ANO3: variants seen among roughly 807,000 people sequenced by gnomAD.
ANO3 encodes the protein anoctamin 3, also known as anoctamin-3.
A neutral mutation model predicts 144.8 loss-of-function variants in ANO3; 99 were observed. The observed-to-expected ratio is 0.68, with a 90% confidence interval of 0.58 to 0.81. The LOEUF (loss-of-function observed/expected upper bound fraction) is 0.81, where lower values mean the gene tolerates loss of function less well. Ranked by LOEUF, ANO3 falls within the 30% of genes least tolerant of loss-of-function variation. ANO3 has a pLI of 0.00. For missense variants in ANO3, 905 were observed against 1,202.2 expected, an observed-to-expected ratio of 0.75 and a Z score of 3.66; for synonymous variants, 414 against 392.6, an observed-to-expected ratio of 1.05 and a Z score of -0.64.
chr11:26,292,010 A>C (rs938743996), intron 1 of ANO3, among the ~76,000 whole-genome samples: 7 of 152,200 alleles, frequency 4.6e-5, no homozygotes, highest in Non-Finnish European at 1.0e-4. Flanking sequence ...GTGTTTTCCA[A>C]CTTGGTTCCA....
chr11:26,355,207 C>G (rs1855747909), intron 1 of ANO3, among the ~76,000 whole-genome samples: 1 of 152,050 alleles, frequency 6.6e-6, no homozygotes, highest in Admixed American at 6.6e-5. Context: ...GAGACATGTT[C>G]TCCAGCAGCT....
intron 14 of ANO3, chr11:26,566,930 A>G: frequency 1.2e-6 from 1 of 863,492 alleles, no homozygotes; most frequent in Non-Finnish European, 1.6e-6. Flanking sequence ...ACTCTAAACA[A>G]GATCTAGCCT....
rs997105522 is a variant in ANO3, at chr11:26,660,708, A to C, written c.*264A>C. 2.0e-5 allele frequency: 7 copies of C among 356,052 alleles called. No homozygotes were observed. Among genetic ancestry groups the C allele is most frequent in the Non-Finnish European group, 3.5e-5 (7 of 199,064 alleles). The allele number at this position is 356,052 out of a possible 1,614,324, so 22.1% of individuals were successfully genotyped here. On this transcript the variant is annotated 3_prime_UTR_variant, in exon 27 of 27. Transcript: ENST00000256737. ...TTCTCAGAACCAGTCTCAGGGAGAT[A>C]TATGCTTGGAGAACTCTGCCTTCCA...
In ANO3 at chr11:26,262,896, T is replaced by C. The variant is rs957907599; in HGVS notation, c.155-46749T>C. On this transcript the variant is annotated intron_variant, in intron 1 of 27. Transcript: ENST00000672621. ...GCTTTCAGAACTGTGAGAAATAAAT[T>C]GTTGTTTAAGCCACCCAGTCTAAGG... is the stretch of plus-strand genomic sequence containing the variant. Among the ~76,000 whole-genome samples the C allele has an allele frequency of 3.3e-5, 5 of 152,158 alleles. No homozygotes were observed. The East Asian group carries it at 9.7e-4, about 29-fold the overall frequency.
chr11:26,516,958 A>T, intron 6 of ANO3, 31 bp downstream of exon 6: 1 of 1,328,508 alleles, frequency 7.5e-7, no homozygotes, highest in Non-Finnish European at 1.1e-6. Context: ...ATTTTATCTC[A>T]ATATATATTA....
chr11:26,601,702 A>G (rs1378061291), intron 17 of ANO3, among the ~76,000 whole-genome samples: 1 of 152,196 alleles, frequency 6.6e-6, no homozygotes, highest in Non-Finnish European at 1.5e-5. Flanking sequence ...ATATAGTAAA[A>G]CATCATGTTT....
At chr11:26,280,121 G>A (rs1475640000) in intron 1 of ANO3, among the ~76,000 whole-genome samples, 1 of 152,100 alleles carries the variant, frequency 6.6e-6, no homozygotes, top group Non-Finnish European at 1.5e-5. Flanking sequence ...CCAGGACAAT[G>A]GCATCGGTAC....
chr11:26,597,219 C>T (rs1201355167), intron 14 of ANO3, among the ~76,000 whole-genome samples: 2 of 152,154 alleles, frequency 1.3e-5, no homozygotes, highest in Admixed American at 6.5e-5. Flanking sequence ...ATGGGGCGGG[C>T]TGCTCCCAAG....
intron 1 of ANO3, chr11:26,189,438 G>GTA (rs1304364496): frequency 3.3e-6 from 2 of 611,080 alleles, no homozygotes; most frequent in African/African-American, 4.0e-5. Flanking sequence ...TTTTCTGGTG[G>GTA]TATAGCTGAT....
intron 1 of ANO3, among the ~76,000 whole-genome samples, chr11:26,318,780 A>C (rs1204996623): frequency 6.6e-6 from 1 of 152,178 alleles, no homozygotes; most frequent in Admixed American, 6.5e-5. Context: ...ACATCTAGGA[A>C]TATATTTTGA....
At chr11:26,411,963 T>A (rs1857445200) in intron 1 of ANO3, among the ~76,000 whole-genome samples, 1 of 152,026 alleles carries the variant, frequency 6.6e-6, no homozygotes, top group Non-Finnish European at 1.5e-5. Context: ...ACATGGTTGA[T>A]TCTGAAAATT....
intron 1 of ANO3, among the ~76,000 whole-genome samples, chr11:26,380,139 C>A (rs1181951269): frequency 6.6e-6 from 1 of 152,068 alleles, no homozygotes; most frequent in Non-Finnish European, 1.5e-5. Context: ...GCTTATCTGC[C>A]ATTTTAGGAT....
chr11:26,493,861 TCTC>T (rs1473236109), intron 4 of ANO3, among the ~76,000 whole-genome samples: 12 of 152,288 alleles, frequency 7.9e-5, no homozygotes, highest in African/African-American at 2.9e-4. Context: ...ATTTCCTTCT[TCTC>T]TTTCCACCGT....
upstream of ANO3, among the ~76,000 whole-genome samples, chr11:26,329,020 A>G (rs1366435973): frequency 6.6e-6 from 1 of 152,040 alleles, no homozygotes; most frequent in Non-Finnish European, 1.5e-5. Context: ...CTCACTAAAC[A>G]TTATATAAAA....
At chr11:26,529,189 TATATATAA>T (rs1565081868) in intron 7 of ANO3, among the ~76,000 whole-genome samples, 29 of 956 alleles carry the variant, frequency 0.03, 10 homozygotes, top group East Asian at 0.5. Context: ...TAATATATAT[TATATATAA>T]TTATATAATA....
upstream of ANO3, chr11:26,331,470 G>T (rs1259518190): frequency 6.6e-6 from 1 of 152,086 alleles, no homozygotes; most frequent in East Asian, 1.9e-4. Context: ...AATCTTTGTT[G>T]CTCTGATCTT....
At position 26,627,841 on chromosome 11, in the gene ANO3, G is replaced by GTGTGTGTA. The variant is rs1554981563; in HGVS notation, c.1873+3350_1873+3351insATGTGTGT. Among the ~76,000 whole-genome samples, 36 of 144,120 alleles carry GTGTGTGTA rather than the reference G, an allele frequency of 2.5e-4. 2 individuals carry two copies. The highest frequency in any genetic ancestry group is 8.4e-4 in the Admixed American group (12 of 14,268). 94.5% of individuals were successfully genotyped at this position (144,120 alleles called of 152,430 possible). A position where few individuals can be genotyped will look rare whatever the true frequency, so the allele number is the denominator to read the frequency against. On this transcript the variant is annotated intron_variant, in intron 18 of 26. Transcript: ENST00000256737. ...TGTGTGTGTGTGTGTGTGTGTGTGT[G>GTGTGTGTA]TGTGTGTGTGTGTGCGCCTGACATT...
chr11:26,653,626 C>T (rs1853599355), intron 24 of ANO3, among the ~76,000 whole-genome samples: 1 of 151,724 alleles, frequency 6.6e-6, no homozygotes, highest in Non-Finnish European at 1.5e-5. Context: ...GGCACTATTT[C>T]CCTCCCTCCC....
At chr11:26,281,358 C>T (rs1371978456) in intron 1 of ANO3, among the ~76,000 whole-genome samples, 1 of 152,056 alleles carries the variant, frequency 6.6e-6, no homozygotes, top group Non-Finnish European at 1.5e-5. Flanking sequence ...AAGAGCATTT[C>T]CAAACCACTC....
Sources: allele counts gnomAD v4.1 joint callset (sites outside exome capture counted in the v4.1 genomes callset), GRCh38; gene constraint gnomAD v4.1.1; transcripts MANE v1.5; gene names NCBI Gene and HGNC (gene_info 2026-07-23, HGNC 2026-07-21).